Variants in EPC1 observed in about 807,000 individuals in gnomAD.
The protein encoded by EPC1 is enhancer of polycomb homolog 1.
EPC1 carries 12 observed loss-of-function variants against 98.4 expected under a neutral mutation model. That is an observed-to-expected ratio of 0.12 (90% CI 0.08 to 0.20). The LOEUF (loss-of-function observed/expected upper bound fraction) is 0.20, where lower values mean the gene tolerates loss of function less well. Among genes scored for constraint, EPC1 ranks in the 10% least tolerant of loss-of-function variants. The pLI is 1.00. For synonymous variants in EPC1, 357 were observed against 363.9 expected (o/e 0.98, Z 0.21); for missense variants, 729 against 990.5 (o/e 0.74, Z 3.54).
intron 6 of EPC1, among the ~76,000 whole-genome samples, chr10:32,289,612 CAA>C (rs1374332991): frequency 6.6e-6 from 1 of 151,174 alleles, no homozygotes; most frequent in East Asian, 1.9e-4. Flanking sequence ...ATGGTAGATG[CAA>C]AGTTTCATGA....
At chr10:32,293,490 C>G in intron 3 of EPC1, 102 bp downstream of exon 3, 2 of 1,092,692 alleles carry the variant, frequency 1.8e-6, no homozygotes, top group East Asian at 5.0e-5. Context: ...AACTCTAAAG[C>G]CTGACTGATT....
chr10:32,347,242 T>C (rs2133070838), upstream of EPC1: 1 of 1,188,860 alleles, frequency 8.4e-7, no homozygotes, highest in Non-Finnish European at 1.0e-6. Context: ...GAGCGCGGGC[T>C]CGAGGCCGGC....
intron 2 of EPC1, among the ~76,000 whole-genome samples, chr10:32,302,581 C>T (rs2479361): frequency 0.69 from 102,149 of 147,816 alleles, 35,132 homozygotes; most frequent in Middle Eastern, 0.76. Flanking sequence ...ATCTAGGAAG[C>T]GGAGGTTGCT....
In EPC1 at chr10:32,268,151, G is replaced by C. The variant is rs1219578506; in HGVS notation, c.*912C>G. On this transcript the variant is annotated 3_prime_UTR_variant, in exon 14 of 14. Transcript: ENST00000319778. ...ACAATAAAAAAGTACAATTTTTTTT[G>C]TGCTAAAAAAAGGGCAAGACAACAT... 6.6e-6 allele frequency: 1 copy of C among 151,902 alleles called. No individual in the cohort carries two copies. Among genetic ancestry groups the C allele is most frequent in the Admixed American group, 6.6e-5 (1 of 15,246 alleles). The allele number at this position is 151,902 out of a possible 1,614,324, so 9.4% of individuals were successfully genotyped here. A position where few individuals can be genotyped will look rare whatever the true frequency, so the allele number is the denominator to read the frequency against.
rs1238585341 is a variant in EPC1 at position 32,271,902 on chromosome 10, A to G, written c.2021T>C (p.Leu674Ser). Residue 674 changes from leucine (L) to serine (S), a missense_variant, in exon 13 of 14, where the codon TTA becomes TCA. Physicochemically the swap from Leu to Ser is moderately radical, Grantham distance 145. Around this residue, in one of 6 missense-constraint regions of EPC1, gnomAD observed 156 missense variants for 188.9 expected, o/e 0.83. Coordinates refer to ENST00000319778, the MANE Select transcript of EPC1 (RefSeq NM_001272004.3). Reference sequence around the variant, plus strand: ...TGTTGGTGTAGTACTACTGAGGTGTAAGCCCTTGTATACTCCTAGAGAGAA... The same window carrying G: ...TGTTGGTGTAGTACTACTGAGGTGTGAGCCCTTGTATACTCCTAGAGAGAA... ...VLPASGVYKGLHLSSTTPTAL... is the reference protein window; with the variant it reads ...VLPASGVYKGSHLSSTTPTAL... 1 of 1,613,874 alleles carries G rather than the reference A, an allele frequency of 6.2e-7. No individual in the cohort carries two copies. Among genetic ancestry groups the G allele is most frequent in the African/African-American group, 1.3e-5 (1 of 74,998 alleles).
intron 1 of EPC1, among the ~76,000 whole-genome samples, chr10:32,327,689 T>G (rs1233717140): frequency 6.6e-6 from 1 of 151,890 alleles, no homozygotes; most frequent in East Asian, 1.9e-4. Flanking sequence ...ATACCTAGGC[T>G]ATATGGTATA....
chr10:32,364,114 A>C (rs1839528308), intron 1 of EPC1, among the ~76,000 whole-genome samples: 1 of 144,738 alleles, frequency 6.9e-6, no homozygotes, highest in African/African-American at 2.5e-5. Flanking sequence ...TCCCGGGTTC[A>C]AGTGATTCTC....
In EPC1 at chr10:32,288,763, T is replaced by A. The variant is rs192482857; in HGVS notation, c.976-1489A>T. ...CACTAAAGTAGTCCACAAAATCATGTAGGGCTCAGAGGGGGGGACCACATT... is the reference window on the plus strand; with the variant it reads ...CACTAAAGTAGTCCACAAAATCATGAAGGGCTCAGAGGGGGGGACCACATT... On this transcript the variant is annotated intron_variant, in intron 6 of 13. Coordinates refer to ENST00000319778, the MANE Select transcript of EPC1 (RefSeq NM_001272004.3). Among the ~76,000 whole-genome samples, 280 of 152,170 alleles carry A rather than the reference T, an allele frequency of 1.8e-3. 1 individual carries two copies. The highest frequency in any genetic ancestry group is 4.3e-3 in the Admixed American group (65 of 15,274).
At chr10:32,290,501 A>AAAAAAAAGAAAG (rs1836942436) in intron 6 of EPC1, among the ~76,000 whole-genome samples, 1 of 36,228 alleles carries the variant, frequency 2.8e-5, no homozygotes. Context: ...AAAAAAAAAA[A>AAAAAAAAGAAAG]AAAAAAAGAA....
At chr10:32,343,335 C>T (rs190287554) in intron 1 of EPC1, among the ~76,000 whole-genome samples, 32 of 152,240 alleles carry the variant, frequency 2.1e-4, no homozygotes, top group Non-Finnish European at 3.8e-4. Flanking sequence ...CTCAGCCTCC[C>T]GAATAGCTGG....
chr10:32,320,055 T>C (rs963505992), intron 1 of EPC1, among the ~76,000 whole-genome samples: 1 of 152,128 alleles, frequency 6.6e-6, no homozygotes, highest in African/African-American at 2.4e-5. Context: ...CATATGTGTG[T>C]ACATATGAGA....
intron 2 of EPC1, among the ~76,000 whole-genome samples, chr10:32,302,513 G>T (rs534504854): frequency 2.4e-4 from 36 of 152,010 alleles, no homozygotes; most frequent in Non-Finnish European, 4.7e-4. Context: ...AGCTGGGCAT[G>T]GTGGCACGCG....
intron 1 of EPC1, among the ~76,000 whole-genome samples, chr10:32,359,839 T>C (rs901447314): frequency 1.3e-5 from 2 of 152,228 alleles, no homozygotes; most frequent in African/African-American, 4.8e-5. Context: ...TGAGGTCTTT[T>C]TGTTTTGTTT....
chr10:32,355,846 G>A (rs925528770), intron 1 of EPC1, among the ~76,000 whole-genome samples: 2 of 152,150 alleles, frequency 1.3e-5, no homozygotes, highest in African/African-American at 4.8e-5. Context: ...CCAGACCGCA[G>A]GTGATCTGCC....
At chr10:32,273,324 G>A in intron 10 of EPC1, 43 bp from the exon 11 acceptor site, 1 of 1,594,852 alleles carries the variant, frequency 6.3e-7, no homozygotes, top group Non-Finnish European at 8.6e-7. Context: ...ATGCCCAGCT[G>A]TCATGTATGT....
At chr10:32,290,505 A>AAAAAAAAG (rs1554819136) in intron 6 of EPC1, among the ~76,000 whole-genome samples, 7 of 77,474 alleles carry the variant, frequency 9.0e-5, no homozygotes, top group African/African-American at 3.9e-4. Context: ...AAAAAAAAAA[A>AAAAAAAAG]AAAGAAAGAA....
In EPC1 at chr10:32,340,379, A is replaced by T. The variant is rs937602959; in HGVS notation, c.153+6384T>A. Among the ~76,000 whole-genome samples, 3 of 152,336 alleles carry T rather than the reference A, an allele frequency of 2.0e-5. No homozygotes were observed. The East Asian group carries it at 5.8e-4, about 29-fold the overall frequency. On this transcript the variant is annotated intron_variant, in intron 1 of 13. Coordinates refer to ENST00000319778, the MANE Select transcript of EPC1 (RefSeq NM_001272004.3). ...GGTTGGTAGATGGAATTCACTTCAT[A>T]TATTTAAAGGTGCAAAGTTGAGTGT...
intron 2 of EPC1, among the ~76,000 whole-genome samples, chr10:32,296,733 C>T (rs1247904016): frequency 6.6e-6 from 1 of 152,052 alleles, no homozygotes. Context: ...ACGGTGAAAC[C>T]CTATCTCTAC....
intron 10 of EPC1, 85 bp from the exon 11 acceptor site, chr10:32,273,366 A>C (rs181946857): frequency 1.4e-6 from 2 of 1,478,206 alleles, no homozygotes; most frequent in African/African-American, 2.8e-5. Flanking sequence ...TTCTGCATTA[A>C]ATCTGTGCAA....
Sources: gnomAD v4.1 joint callset for allele counts (sites outside exome capture counted in the v4.1 genomes callset) on GRCh38, gnomAD v4.1.1 for gene constraint, gnomAD v4.1.1 regional missense constraint, MANE v1.5 for transcripts, NCBI Gene and HGNC (gene_info 2026-07-23, HGNC 2026-07-21) for gene names.